Variants in WDR64 observed in about 807,000 individuals in gnomAD.
WDR64 encodes WD repeat-containing protein 64.
WDR64 carries 112 observed loss-of-function variants against 139.3 expected under a neutral mutation model. The ratio of observed to expected loss-of-function variants is 0.80; its 90% CI spans 0.69 to 0.94. The LOEUF (loss-of-function observed/expected upper bound fraction) is 0.94, where lower values mean the gene tolerates loss of function less well. WDR64 is among the 40% of genes least tolerant of loss of function. The pLI is 0.00. For missense variants in WDR64, 1,206 were observed against 1,293.1 expected, an observed-to-expected ratio of 0.93 and a Z score of 1.03; for synonymous variants, 444 against 437.7, an observed-to-expected ratio of 1.01 and a Z score of -0.18.
chr1:241,691,124 G>GT (rs1667258870), intron 8 of WDR64, among the ~76,000 whole-genome samples: 1 of 151,808 alleles, frequency 6.6e-6, no homozygotes, highest in East Asian at 2.0e-4. Flanking sequence ...CAAATGATAG[G>GT]TCAACCACGA....
Position 241,725,822 on chromosome 1 carries a change from CA to C in WDR64, c.1194+2396del, listed in dbSNP as rs916779388. ...CCAAAGATTCACTATCCCCCCACTC[CA>C]AAAAAAAAACTCTCAATTTTTTGAG... On this transcript the variant is annotated intron_variant, in intron 10 of 27. Coordinates refer to ENST00000437684, the MANE Select transcript of WDR64 (RefSeq NM_001367482.1). Among the ~76,000 whole-genome samples, 120 of 147,586 alleles carry C rather than the reference CA, an allele frequency of 8.1e-4. 3 individuals carry two copies. The highest frequency in any genetic ancestry group is 6.8e-3 in the Admixed American group (100 of 14,796).
chr1:241,799,509 C>A (rs1188901891), intron 27 of WDR64, among the ~76,000 whole-genome samples: 8 of 151,974 alleles, frequency 5.3e-5, no homozygotes, highest in Non-Finnish European at 1.2e-4. Flanking sequence ...CAATGTTGCC[C>A]AGTATGATAT....
chr1:241,760,282 G>T (rs988919271), intron 15 of WDR64, among the ~76,000 whole-genome samples: 1 of 151,568 alleles, frequency 6.6e-6, no homozygotes, highest in East Asian at 1.9e-4. Context: ...TGGCCATTTG[G>T]GTTGTTTTTA....
intron 9 of WDR64, 92 bp from the exon 10 acceptor site, chr1:241,723,205 G>C (rs542482082): frequency 6.8e-7 from 1 of 1,480,822 alleles, no homozygotes; most frequent in Middle Eastern, 1.8e-4. Context: ...TTTGCTGTTC[G>C]AAGAAAGATA....
At chr1:241,755,648 G>C (rs1639762989) in intron 14 of WDR64, among the ~76,000 whole-genome samples, 2 of 152,188 alleles carry the variant, frequency 1.3e-5, no homozygotes, top group Admixed American at 6.5e-5. Context: ...CCTATGTCCT[G>C]AATGGTATTG....
intron 10 of WDR64, among the ~76,000 whole-genome samples, chr1:241,727,461 C>T (rs1363622196): frequency 6.6e-6 from 1 of 152,184 alleles, no homozygotes; most frequent in East Asian, 1.9e-4. Context: ...TACTTAATAT[C>T]TTTCCATTTG....
At chr1:241,747,942 G>A (rs1230564019) in intron 13 of WDR64, among the ~76,000 whole-genome samples, 2 of 152,166 alleles carry the variant, frequency 1.3e-5, no homozygotes, top group Non-Finnish European at 2.9e-5. Flanking sequence ...GATAGCATGA[G>A]AGTACAGCGC....
At position 241,674,751 on chromosome 1, in the gene WDR64, A is replaced by C; in HGVS notation, c.483+4A>C. ...AATAACAGTTTTTAATAACCAGGTA[A>C]TTTCTTTTTCTTTTTTTAACTGAAT... On this transcript the variant is annotated splice_donor_region_variant and intron_variant, in intron 4 of 27. Transcript: ENST00000437684. 1 of 1,491,720 alleles carries C rather than the reference A, an allele frequency of 6.7e-7. No individual in the cohort carries two copies. The highest frequency in any genetic ancestry group is 1.2e-5 in the South Asian group (1 of 81,672). The allele number at this position is 1,491,720 out of a possible 1,614,324, so 92.4% of individuals were successfully genotyped here.
chr1:241,663,978 G>A (rs1665935194), intron 2 of WDR64, among the ~76,000 whole-genome samples: 1 of 152,084 alleles, frequency 6.6e-6, no homozygotes, highest in Non-Finnish European at 1.5e-5. Context: ...TAAAGTAGAA[G>A]ACATAAATGT....
chr1:241,792,697 G>A (rs2148330305), intron 25 of WDR64, among the ~76,000 whole-genome samples: 1 of 152,292 alleles, frequency 6.6e-6, no homozygotes, highest in African/African-American at 2.4e-5. Context: ...CTCCATAGGA[G>A]CCCTTCCTCC....
At chr1:241,713,042 C>T (rs1159327829) in intron 9 of WDR64, among the ~76,000 whole-genome samples, 15 of 149,460 alleles carry the variant, frequency 1.0e-4, no homozygotes, top group Non-Finnish European at 8.9e-5. Flanking sequence ...CGCAGTGGCT[C>T]GCACCAATAA....
chr1:241,771,598 C>A, intron 18 of WDR64, 63 bp from the exon 19 acceptor site: 1 of 1,224,146 alleles, frequency 8.2e-7, no homozygotes, highest in Non-Finnish European at 1.1e-6. Context: ...ATTTAATCAC[C>A]CAGTATATCT....
At chr1:241,671,769 C>T (rs1666239621) in intron 3 of WDR64, among the ~76,000 whole-genome samples, 1 of 152,164 alleles carries the variant, frequency 6.6e-6, no homozygotes, top group Admixed American at 6.5e-5. Context: ...TTCTTCCCTC[C>T]ATGGTGGGAG....
rs114466876 is a variant in WDR64 at position 241,718,915 on chromosome 1, G to A, written c.1055-4382G>A. On this transcript the variant is annotated intron_variant, in intron 9 of 27. Coordinates refer to ENST00000437684, the MANE Select transcript of WDR64 (RefSeq NM_001367482.1). ...GACATTAATCCCATCATGAGGGCCC[G>A]CCTTCATTACCTCATTGGAACCTAA... 2.4e-4 allele frequency among the ~76,000 whole-genome samples: 36 copies of A among 152,150 alleles called. No homozygotes were observed. In the East Asian group the frequency reaches 3.9e-3, roughly 16 times the overall value.
At chr1:241,700,431 G>C (rs1189420218) in intron 8 of WDR64, among the ~76,000 whole-genome samples, 1 of 152,016 alleles carries the variant, frequency 6.6e-6, no homozygotes, top group Non-Finnish European at 1.5e-5. Flanking sequence ...GGTCAGGAGA[G>C]ACTGCTCTGA....
At chr1:241,792,787 C>A (rs1397254373) in intron 25 of WDR64, among the ~76,000 whole-genome samples, 1 of 152,082 alleles carries the variant, frequency 6.6e-6, no homozygotes. Context: ...GAACACTAAT[C>A]TGCTGATGGT....
chr1:241,726,892 G>GT (rs71174837), intron 10 of WDR64, among the ~76,000 whole-genome samples: 60,714 of 148,990 alleles, frequency 0.41, 12,295 homozygotes, highest in South Asian at 0.48. Context: ...TAAGGACAAA[G>GT]TTTTTTTTTT....
chr1:241,675,258 C>CCCTCCTTCCTCCCTCCTTCCTTCCTT lies in WDR64; in HGVS notation c.483+516_483+517insTTCCTCCCTCCTTCCTTCCTTCCTCC, dbSNP rs1277039678. Among the ~76,000 whole-genome samples the CCCTCCTTCCTCCCTCCTTCCTTCCTT allele has an allele frequency of 1.7e-3, 171 of 99,946 alleles. 12 individuals carry two copies. The highest frequency in any genetic ancestry group is 2.3e-3 in the Non-Finnish European group (117 of 51,714). 65.6% of individuals were successfully genotyped at this position (99,946 alleles called of 152,430 possible). ...CCTCCTTCCTCCCTCCTTCCTTCCT[C>CCCTCCTTCCTCCCTCCTTCCTTCCTT]CCTCCCTTCCTCCCTTCCTCTCTCT... On this transcript the variant is annotated intron_variant, in intron 4 of 27. Transcript: ENST00000437684.
At chr1:241,723,830 G>A (rs949351483) in intron 10 of WDR64, among the ~76,000 whole-genome samples, 3 of 151,942 alleles carry the variant, frequency 2.0e-5, no homozygotes, top group African/African-American at 7.2e-5. Context: ...TTCAGAGACT[G>A]AATTATATTT....
Sources: gnomAD v4.1 joint callset for allele counts (sites outside exome capture counted in the v4.1 genomes callset) on GRCh38, gnomAD v4.1.1 for gene constraint, MANE v1.5 for transcripts, NCBI Gene and HGNC (gene_info 2026-07-23, HGNC 2026-07-21) for gene names.